KCNJ6: variants seen among roughly 807,000 people sequenced by gnomAD.
KCNJ6 encodes the protein G protein-activated inward rectifier potassium channel 2.
In KCNJ6, 9 loss-of-function variants were observed where a neutral mutation model predicts 34.2. That is an observed-to-expected ratio of 0.26 (90% CI 0.16 to 0.46). The LOEUF (loss-of-function observed/expected upper bound fraction) is 0.46. Ranked by LOEUF, KCNJ6 falls within the 20% of genes least tolerant of loss-of-function variation. The probability of loss-of-function intolerance (pLI) is 1.00; values close to 1 mark genes in which losing one functional copy is unlikely to be tolerated. For synonymous variants in KCNJ6, 196 were observed against 207.1 expected (o/e 0.95, Z 0.46); for missense variants, 236 against 531.3 (o/e 0.44, Z 5.46).
chr21:37,616,231 T>A lies in KCNJ6; in HGVS notation c.*8928A>T, dbSNP rs577355981. 1.6e-4 allele frequency: 25 copies of A among 152,268 alleles called. No homozygotes were observed. Among genetic ancestry groups the A allele is most frequent in the African/African-American group, 5.5e-4 (23 of 41,530 alleles). The allele number at this position is 152,268 out of a possible 1,614,324, so 9.4% of individuals were successfully genotyped here. On this transcript the variant is annotated 3_prime_UTR_variant, in exon 4 of 4. Transcript: ENST00000609713. Reference sequence around the variant, plus strand: ...ACAAGTGCTGGGAGTTTCCCCAGAGTACAGTCTGTGCAGACAGTGGGAAAG... The same window carrying A: ...ACAAGTGCTGGGAGTTTCCCCAGAGAACAGTCTGTGCAGACAGTGGGAAAG...
At chr21:37,664,692 AG>A (rs1188259856) in intron 3 of KCNJ6, among the ~76,000 whole-genome samples, 1 of 152,144 alleles carries the variant, frequency 6.6e-6, no homozygotes, top group Non-Finnish European at 1.5e-5. Context: ...AAGAGTTCAT[AG>A]AAAGAAAATG....
At chr21:37,668,203 G>C (rs1396484717) in intron 3 of KCNJ6, among the ~76,000 whole-genome samples, 1 of 152,074 alleles carries the variant, frequency 6.6e-6, no homozygotes, top group Non-Finnish European at 1.5e-5. Context: ...CTGGTCTTCT[G>C]CCTCAGAGCC....
chr21:37,849,935 C>T (rs1051163029), intron 1 of KCNJ6, among the ~76,000 whole-genome samples: 1 of 152,160 alleles, frequency 6.6e-6, no homozygotes, highest in African/African-American at 2.4e-5. Flanking sequence ...AAACGAAATA[C>T]CAAATCACAA....
intron 3 of KCNJ6, among the ~76,000 whole-genome samples, chr21:37,709,458 G>A (rs567039139): frequency 5.3e-5 from 8 of 152,032 alleles, no homozygotes; most frequent in Non-Finnish European, 8.8e-5. Context: ...AGGTTGCAGT[G>A]AGCCAAGATC....
chr21:37,726,460 T>C (rs549911521), intron 2 of KCNJ6, among the ~76,000 whole-genome samples: 1 of 152,304 alleles, frequency 6.6e-6, no homozygotes, highest in East Asian at 1.9e-4. Flanking sequence ...ACAGCACTTA[T>C]TTATTGAATG....
chr21:37,817,969 T>G (rs2055354580), intron 2 of KCNJ6, among the ~76,000 whole-genome samples: 2 of 152,172 alleles, frequency 1.3e-5, no homozygotes, highest in Non-Finnish European at 2.9e-5. Flanking sequence ...TGGCCTTGGG[T>G]AGTTATTGCT....
intron 3 of KCNJ6, among the ~76,000 whole-genome samples, chr21:37,713,001 T>G (rs144274046): frequency 6.6e-6 from 1 of 152,262 alleles, no homozygotes; most frequent in Non-Finnish European, 1.5e-5. Flanking sequence ...TTGAGCTCCA[T>G]GCAAAGCCCT....
chr21:37,841,194 T>A (rs2055479208), intron 1 of KCNJ6, among the ~76,000 whole-genome samples: 1 of 152,198 alleles, frequency 6.6e-6, no homozygotes, highest in Non-Finnish European at 1.5e-5. Flanking sequence ...AAGTCATAGG[T>A]TTTGATGGGT....
chr21:37,784,109 T>C (rs1464001183), intron 2 of KCNJ6, among the ~76,000 whole-genome samples: 1 of 152,246 alleles, frequency 6.6e-6, no homozygotes, highest in African/African-American at 2.4e-5. Context: ...GTCCACCTCT[T>C]TGTGGCATTT....
intron 2 of KCNJ6, among the ~76,000 whole-genome samples, chr21:37,727,514 G>A (rs373610398): frequency 2.4e-4 from 37 of 152,240 alleles, no homozygotes; most frequent in African/African-American, 8.9e-4. Context: ...TGTCATGGGT[G>A]TATATGTGAA....
chr21:37,901,224 C>T (rs1424365644), intron 1 of KCNJ6, among the ~76,000 whole-genome samples: 2 of 152,210 alleles, frequency 1.3e-5, no homozygotes, highest in Non-Finnish European at 2.9e-5. Flanking sequence ...TAGCAATAAA[C>T]ACTATTTGCT....
chr21:37,859,531 A>ATATATATATATATAT (rs1491433754), intron 1 of KCNJ6, among the ~76,000 whole-genome samples: 38 of 86,346 alleles, frequency 4.4e-4, no homozygotes, highest in African/African-American at 9.0e-4. Flanking sequence ...ATATATATAT[A>ATATATATATATATAT]AAATACTTAA....
chr21:37,833,022 C>CT (rs11445154), intron 2 of KCNJ6, among the ~76,000 whole-genome samples: 116,680 of 150,412 alleles, frequency 0.78, 45,793 homozygotes, highest in East Asian at 0.97. Context: ...CTTTTCTTTT[C>CT]TTTTTTTTTG....
At chr21:37,846,143 T>G (rs1381668851) in intron 1 of KCNJ6, among the ~76,000 whole-genome samples, 4 of 152,162 alleles carry the variant, frequency 2.6e-5, no homozygotes, top group Non-Finnish European at 5.9e-5. Context: ...CTTCCACACC[T>G]GGGGAAGTAA....
At chr21:37,879,463 T>C (rs577617079) in intron 1 of KCNJ6, among the ~76,000 whole-genome samples, 3 of 152,214 alleles carry the variant, frequency 2.0e-5, no homozygotes, top group East Asian at 1.9e-4. Context: ...GTAAGGGGGT[T>C]GGCTATGACC....
chr21:37,676,996 T>C (rs1057392739), intron 3 of KCNJ6, among the ~76,000 whole-genome samples: 14 of 152,230 alleles, frequency 9.2e-5, no homozygotes, highest in Admixed American at 2.6e-4. Context: ...ACAGTGCTGG[T>C]CCCAGTTGAC....
chr21:37,857,060 T>G (rs1039724421), intron 1 of KCNJ6, among the ~76,000 whole-genome samples: 3 of 152,196 alleles, frequency 2.0e-5, no homozygotes, highest in Non-Finnish European at 4.4e-5. Flanking sequence ...AAGTAAATAA[T>G]ATGCATTTCT....
intron 1 of KCNJ6, among the ~76,000 whole-genome samples, chr21:37,877,701 G>A (rs774242606): frequency 6.6e-6 from 1 of 152,082 alleles, no homozygotes; most frequent in Non-Finnish European, 1.5e-5. Flanking sequence ...CCTACAGTCG[G>A]ATCGGCCACA....
chr21:37,758,209 G>A (rs2055041080), intron 2 of KCNJ6, among the ~76,000 whole-genome samples: 1 of 151,718 alleles, frequency 6.6e-6, no homozygotes, highest in Non-Finnish European at 1.5e-5. Flanking sequence ...GGAGGTGGGT[G>A]TCTGCAGATG....
Sources: allele counts gnomAD v4.1 joint callset (sites outside exome capture counted in the v4.1 genomes callset), GRCh38; gene constraint gnomAD v4.1.1; transcripts MANE v1.5; gene names NCBI Gene and HGNC (gene_info 2026-07-23, HGNC 2026-07-21).